SPAG16: variants seen among roughly 807,000 people sequenced by gnomAD.
SPAG16 encodes sperm associated antigen 16, also known as sperm-associated antigen 16 protein.
Under a neutral mutation model 80.4 loss-of-function variants are expected in SPAG16, and 86 were observed. That is an observed-to-expected ratio of 1.07 (90% CI 0.90 to 1.28). The LOEUF is 1.28. Among genes scored for constraint, SPAG16 ranks in the 50% most tolerant of loss-of-function variants. SPAG16 has a pLI of 0.00. For synonymous variants in SPAG16, 294 were observed against 265.9 expected, an observed-to-expected ratio of 1.11 and a Z score of -1.03; for missense variants, 870 against 765.3, an observed-to-expected ratio of 1.14 and a Z score of -1.61.
chr2:213,904,285 T>C (rs543498985), intron 11 of SPAG16, among the ~76,000 whole-genome samples: 1 of 152,278 alleles, frequency 6.6e-6, no homozygotes, highest in African/African-American at 2.4e-5. Flanking sequence ...AAAAAGAGGT[T>C]TAATTGGACT....
chr2:213,637,646 CT>C (rs904097078), intron 10 of SPAG16, among the ~76,000 whole-genome samples: 1 of 151,792 alleles, frequency 6.6e-6, no homozygotes, highest in Non-Finnish European at 1.5e-5. Context: ...TGAGAGTTTC[CT>C]TTTTTTTCCT....
chr2:213,326,458 G>T (rs1465325488), intron 5 of SPAG16, among the ~76,000 whole-genome samples: 1 of 151,952 alleles, frequency 6.6e-6, no homozygotes, highest in Non-Finnish European at 1.5e-5. Flanking sequence ...GTAATTGCTT[G>T]TTAAATTAAG....
At chr2:214,121,352 T>G (rs981167473) in intron 14 of SPAG16, among the ~76,000 whole-genome samples, 4 of 151,832 alleles carry the variant, frequency 2.6e-5, no homozygotes, top group African/African-American at 9.7e-5. Context: ...CTAAAGTTAT[T>G]TAATTATCAG....
intron 10 of SPAG16, among the ~76,000 whole-genome samples, chr2:213,650,031 T>C (rs897719065): frequency 1.4e-4 from 22 of 152,008 alleles, no homozygotes; most frequent in Admixed American, 1.4e-3. Context: ...AAAAAGAAGT[T>C]CTCGAATTTT....
intron 12 of SPAG16, among the ~76,000 whole-genome samples, chr2:213,977,711 T>C (rs928099478): frequency 6.6e-6 from 1 of 152,104 alleles, no homozygotes; most frequent in Non-Finnish European, 1.5e-5. Flanking sequence ...TCACACTGAG[T>C]AATTTTTATA....
At chr2:213,918,857 C>G (rs960953174) in intron 11 of SPAG16, among the ~76,000 whole-genome samples, 9 of 151,806 alleles carry the variant, frequency 5.9e-5, no homozygotes, top group African/African-American at 2.2e-4. Context: ...TGGGTTCAGT[C>G]TTGGGAGGGT....
chr2:214,058,081 C>G (rs2050040757), intron 13 of SPAG16, among the ~76,000 whole-genome samples: 1 of 152,150 alleles, frequency 6.6e-6, no homozygotes, highest in Non-Finnish European at 1.5e-5. Context: ...GTGTCACTAT[C>G]ATTTGTGTGT....
rs532858595 is a variant in SPAG16, at chr2:213,996,864, G to A, written c.1401-17087G>A. Among the ~76,000 whole-genome samples the A allele has an allele frequency of 3.4e-4, 51 of 152,160 alleles. No individual in the cohort carries two copies. The South Asian group carries it at 6.2e-3, about 19-fold the overall frequency. ...ATTACAGGTGTGAGCCGCCGCACCC[G>A]GCCCTACTAATGCTATTATTCTAAA... On this transcript the variant is annotated intron_variant, in intron 12 of 15. Transcript: ENST00000331683.
chr2:214,168,868 TACTTAA>T (rs72448292), intron 15 of SPAG16, among the ~76,000 whole-genome samples: 11,103 of 152,136 alleles, frequency 0.073, 1,292 homozygotes, highest in African/African-American at 0.25. Flanking sequence ...GGTACTATTT[TACTTAA>T]TGGTGGGAAA....
At chr2:213,639,955 G>A (rs900073114) in intron 10 of SPAG16, among the ~76,000 whole-genome samples, 1 of 151,954 alleles carries the variant, frequency 6.6e-6, no homozygotes, top group Non-Finnish European at 1.5e-5. Context: ...TTCTTTATCT[G>A]TGTTGGATTG....
chr2:213,659,881 T>C (rs766497070), intron 10 of SPAG16, among the ~76,000 whole-genome samples: 1 of 152,126 alleles, frequency 6.6e-6, no homozygotes, highest in Non-Finnish European at 1.5e-5. Flanking sequence ...TCTGTATATA[T>C]GTTTATGTGC....
intron 10 of SPAG16, among the ~76,000 whole-genome samples, chr2:213,691,445 C>T (rs1358565446): frequency 6.6e-6 from 1 of 152,176 alleles, no homozygotes; most frequent in Non-Finnish European, 1.5e-5. Flanking sequence ...CATTTGACAA[C>T]CAGTATCAAC....
intron 15 of SPAG16, among the ~76,000 whole-genome samples, chr2:214,282,061 T>G (rs1692986889): frequency 6.6e-6 from 1 of 152,196 alleles, no homozygotes; most frequent in South Asian, 2.1e-4. Context: ...TCAGAGGTGA[T>G]GGATATGTTT....
At chr2:214,206,142 G>A (rs1030661282) in intron 15 of SPAG16, among the ~76,000 whole-genome samples, 1 of 152,136 alleles carries the variant, frequency 6.6e-6, no homozygotes, top group African/African-American at 2.4e-5. Context: ...TTTGCAGTGA[G>A]CCGAGATTGC....
chr2:213,820,263 T>C (rs533186479), intron 10 of SPAG16, among the ~76,000 whole-genome samples: 45 of 152,224 alleles, frequency 3.0e-4, no homozygotes, highest in African/African-American at 1.0e-3. Flanking sequence ...TTTGCAGAGA[T>C]TGGGTTTTGC....
At chr2:213,399,646 A>C (rs142303470) in intron 9 of SPAG16, among the ~76,000 whole-genome samples, 16 of 152,040 alleles carry the variant, frequency 1.1e-4, no homozygotes, top group African/African-American at 2.4e-4. Flanking sequence ...CTGTCTTTTT[A>C]TAATTTTAGT....
In SPAG16 at chr2:214,121,844, A is replaced by G. The variant is rs139818535; in HGVS notation, c.1593+13583A>G. Among the ~76,000 whole-genome samples, 19 of 151,972 alleles carry G rather than the reference A, an allele frequency of 1.3e-4. No homozygotes were observed. In the East Asian group the frequency reaches 2.5e-3, roughly 20 times the overall value. On this transcript the variant is annotated intron_variant, in intron 14 of 15. Transcript: ENST00000331683. The stretch of plus-strand genomic sequence containing the variant: ...TTCAGTCTGTATGTATAAGGTATAT[A>G]TGAAACATAAATTAATGTTTTGTTT...
At chr2:213,492,336 T>G (rs1214142205) in intron 10 of SPAG16, among the ~76,000 whole-genome samples, 7 of 152,006 alleles carry the variant, frequency 4.6e-5, no homozygotes, top group Non-Finnish European at 1.0e-4. Context: ...GGCAGATCAC[T>G]AGGTCAGATT....
intron 13 of SPAG16, among the ~76,000 whole-genome samples, chr2:214,046,556 C>A (rs573291471): frequency 7.0e-4 from 107 of 152,236 alleles, no homozygotes; most frequent in African/African-American, 2.4e-3. Flanking sequence ...ATACACAAAT[C>A]AATCAATGTG....
Sources: gnomAD v4.1 joint callset for allele counts (sites outside exome capture counted in the v4.1 genomes callset) on GRCh38, gnomAD v4.1.1 for gene constraint, MANE v1.5 for transcripts, NCBI Gene and HGNC (gene_info 2026-07-23, HGNC 2026-07-21) for gene names.